The following IWS1 variants were observed in gnomAD, a reference collection of about 807,000 sequenced individuals.
IWS1 encodes interacts with SUPT6H, CTD assembly factor 1, also known as protein IWS1 homolog.
IWS1 carries 27 observed loss-of-function variants against 86.7 expected under a neutral mutation model. The observed-to-expected ratio is 0.31, with a 90% CI of 0.23 to 0.43. IWS1 has a LOEUF of 0.43. IWS1 is among the 20% of genes least tolerant of loss of function. The pLI is 1.00. For missense variants in IWS1, 827 were observed against 1,000.8 expected (o/e 0.83, Z 2.34); for synonymous variants, 313 against 335.1 (o/e 0.93, Z 0.72).
upstream of IWS1, chr2:127,526,874 G>C (rs184343764): frequency 7.8e-4 from 278 of 356,834 alleles, 1 homozygote; most frequent in Admixed American, 9.9e-3. Flanking sequence ...TTGCTCACTG[G>C]GACTTGTAGT....
intron 2 of IWS1, among the ~76,000 whole-genome samples, chr2:127,518,562 C>CTTTTTTTTT (rs747745807): frequency 8.6e-6 from 1 of 116,870 alleles, no homozygotes; most frequent in Non-Finnish European, 1.8e-5. Context: ...ACAGGCGATT[C>CTTTTTTTTT]TTTTTTTTTT....
At chr2:127,482,150 A>G (rs191557651) in intron 13 of IWS1, 19 of 152,320 alleles carry the variant, frequency 1.2e-4, no homozygotes, top group Admixed American at 1.2e-3. Flanking sequence ...TACATTTACT[A>G]CTGAATCACC....
At position 127,486,792 on chromosome 2, in the gene IWS1, A is replaced by AC; in HGVS notation, c.2217-129dup. The AC allele has an allele frequency of 4.4e-6, 3 of 688,466 alleles. No homozygotes were observed. In the East Asian group the frequency reaches 8.4e-5, roughly 19 times the overall value. The allele number at this position is 688,466 out of a possible 1,614,324, so 42.6% of individuals were successfully genotyped here. On this transcript the variant is annotated intron_variant, in intron 12 of 13. Coordinates refer to ENST00000295321, the MANE Select transcript of IWS1 (RefSeq NM_017969.3). ...AATGTTCGAAACTCCTCTACTCCCC[A>AC]CCAAAGGTCACCCAATCCACCCTCC...
chr2:127,494,901 T>TA lies in IWS1; in HGVS notation c.1769dup (p.Leu590PhefsTer10). 1 of 1,604,580 alleles carries TA rather than the reference T, an allele frequency of 6.2e-7. No homozygotes were observed. Among genetic ancestry groups the TA allele is most frequent in the Non-Finnish European group, 8.5e-7 (1 of 1,174,644 alleles). On this transcript the variant is annotated frameshift_variant, in exon 8 of 14. Coordinates refer to ENST00000295321, the MANE Select transcript of IWS1 (RefSeq NM_017969.3). LOFTEE classifies it high-confidence loss of function. ...TAAGGTGCATAACTACAGCAGGCAG[T>TA]AAAGTTAATTTTTTCAGTGCTGGCT...
chr2:127,494,924 G>A lies in IWS1; in HGVS notation c.1747C>T (p.Pro583Ser), dbSNP rs1216195198. The A allele has an allele frequency of 6.2e-7, 1 of 1,601,280 alleles. No individual in the cohort carries two copies. Among genetic ancestry groups the A allele is most frequent in the Non-Finnish European group, 8.5e-7 (1 of 1,173,120 alleles). Residue 583 changes from proline to serine, a missense_variant, in exon 8 of 14, where the codon CCA (proline) becomes TCA (serine). Physicochemically the swap from Pro to Ser is moderately conservative, Grantham distance 74. This residue lies in a region of IWS1 where 279 missense variants were observed against 440.6 expected (regional missense o/e 0.63). Coordinates refer to ENST00000295321, the MANE Select transcript of IWS1 (RefSeq NM_017969.3). ...EDRQLNNQKKPALKKLTLLPA... is the reference protein window; with the variant it reads ...EDRQLNNQKKSALKKLTLLPA... ...AGTAAAGTTAATTTTTTCAGTGCTG[G>A]CTTTTTTTGATTGTTCAACTGTCTG...
chr2:127,496,021 C>G lies in IWS1; in HGVS notation c.1693G>C (p.Val565Leu), dbSNP rs761567851. ...ACCTCAGCAGCTTCATTCATCTTGA[C>G]GATCATGGCACTCACGACGTCGTCT... ...DADDVVSAMIVKMNEAAEEDR... is the reference protein window; with the variant it reads ...DADDVVSAMILKMNEAAEEDR... The change falls in exon 7 of 14, where the codon GTC becomes CTC. Residue 565 changes from valine to leucine, a missense_variant. Coordinates refer to ENST00000295321, the MANE Select transcript of IWS1 (RefSeq NM_017969.3). 1 of 1,612,784 alleles carries G rather than the reference C, an allele frequency of 6.2e-7. No individual in the cohort carries two copies. Among genetic ancestry groups the G allele is most frequent in the Non-Finnish European group, 8.5e-7 (1 of 1,179,578 alleles).
rs114179014 is a variant in IWS1 at position 127,487,490 on chromosome 2, T to C, written c.2217-826A>G. Reference sequence around the variant, plus strand: ...AGTAAAGAGTGGATCTATGTGTGTCTGCTGGGGATGGGGAGAGAAGGGTAA... The same window carrying C: ...AGTAAAGAGTGGATCTATGTGTGTCCGCTGGGGATGGGGAGAGAAGGGTAA... On this transcript the variant is annotated intron_variant, in intron 12 of 13. Coordinates refer to ENST00000295321, the MANE Select transcript of IWS1 (RefSeq NM_017969.3). 7.3e-3 allele frequency among the ~76,000 whole-genome samples: 1,118 copies of C among 152,332 alleles called. 6 individuals are homozygous for C. The highest frequency in any genetic ancestry group is 0.014 in the Middle Eastern group (4 of 294).
chr2:127,487,200 T>G (rs932460794), intron 12 of IWS1, among the ~76,000 whole-genome samples: 5 of 152,212 alleles, frequency 3.3e-5, no homozygotes, highest in Non-Finnish European at 5.9e-5. Flanking sequence ...TAAAAAATGA[T>G]AGAGAGAGAG....
At chr2:127,524,456 G>A (rs1692274584) in intron 1 of IWS1, among the ~76,000 whole-genome samples, 1 of 150,892 alleles carries the variant, frequency 6.6e-6, no homozygotes, top group Non-Finnish European at 1.5e-5. Context: ...CTCCTAAAGT[G>A]CTGGGATTAC....
chr2:127,510,981 T>C (rs1373136956), intron 2 of IWS1, among the ~76,000 whole-genome samples: 1 of 152,210 alleles, frequency 6.6e-6, no homozygotes, highest in African/African-American at 2.4e-5. Flanking sequence ...TTTTGACATG[T>C]GGTCCACATG....
chr2:127,519,534 A>T (rs919322738), intron 2 of IWS1, among the ~76,000 whole-genome samples: 5 of 151,456 alleles, frequency 3.3e-5, no homozygotes, highest in African/African-American at 4.8e-5. Context: ...AAATGAATTT[A>T]AAAAAAATAC....
At chr2:127,508,875 G>A (rs1403499542) in intron 2 of IWS1, among the ~76,000 whole-genome samples, 1 of 152,192 alleles carries the variant, frequency 6.6e-6, no homozygotes, top group Admixed American at 6.5e-5. Flanking sequence ...TCCCAAAGAA[G>A]TGAGAGACAC....
chr2:127,504,588 C>A (rs1691012190), intron 3 of IWS1, 96 bp downstream of exon 3: 2 of 877,672 alleles, frequency 2.3e-6, no homozygotes, highest in Non-Finnish European at 3.6e-6. Context: ...AATAACAGAA[C>A]ACAGATCTGA....
intron 13 of IWS1, chr2:127,483,103 T>C (rs1689720061): frequency 6.6e-6 from 1 of 152,170 alleles, no homozygotes; most frequent in South Asian, 2.1e-4. Context: ...AAGAAATAAT[T>C]TAAAATGTTA....
At position 127,520,885 on chromosome 2, in the gene IWS1, A is replaced by T. The variant is rs368951540; in HGVS notation, c.150+2791T>A. On this transcript the variant is annotated intron_variant, in intron 2 of 13. Transcript: ENST00000295321. The stretch of plus-strand genomic sequence containing the variant: ...AGTGATGCTGCATCCATATTGTGAA[A>T]CCATTAAACATTACGCTTATTGAGA... Among the ~76,000 whole-genome samples, 29 of 152,380 alleles carry T rather than the reference A, an allele frequency of 1.9e-4. No individual in the cohort carries two copies. In the South Asian group the frequency reaches 5.8e-3, roughly 30 times the overall value.
intron 2 of IWS1, among the ~76,000 whole-genome samples, chr2:127,518,780 G>C (rs1691920958): frequency 6.6e-6 from 1 of 151,946 alleles, no homozygotes; most frequent in Non-Finnish European, 1.5e-5. Context: ...ACGTTGGCCA[G>C]GCTGGTCTCG....
At chr2:127,500,873 C>T (rs1168066177) in intron 5 of IWS1, among the ~76,000 whole-genome samples, 2 of 152,012 alleles carry the variant, frequency 1.3e-5, no homozygotes, top group African/African-American at 4.8e-5. Context: ...TTACACATTC[C>T]ATTTTAGTCT....
At chr2:127,503,899 A>T (rs1690957225) in intron 3 of IWS1, among the ~76,000 whole-genome samples, 1 of 152,158 alleles carries the variant, frequency 6.6e-6, no homozygotes, top group African/African-American at 2.4e-5. Context: ...AACTAGATTG[A>T]TGGGCAAAAC....
chr2:127,503,516 T>A lies in IWS1; in HGVS notation c.1280A>T (p.Asp427Val), dbSNP rs1690926751. The A allele has an allele frequency of 6.2e-7, 1 of 1,613,616 alleles. No homozygotes were observed. The highest frequency in any genetic ancestry group is 1.7e-5 in the Admixed American group (1 of 59,992). Residue 427 changes from aspartate to valine, a missense_variant, in exon 4 of 14, where the codon GAC becomes GTC. Asp to Val is a radical substitution (Grantham distance 152). Coordinates refer to ENST00000295321, the MANE Select transcript of IWS1 (RefSeq NM_017969.3). ...GGTCTTCTCTCTTTTGCCTGACTTG[T>A]CTGATACAGCATCACTGTCAGAGTC... ...ADDSDSDAVSDKSGKREKTIA... is the reference protein window; with the variant it reads ...ADDSDSDAVSVKSGKREKTIA...
Sources: allele counts gnomAD v4.1 joint callset (sites outside exome capture counted in the v4.1 genomes callset), GRCh38; gene constraint gnomAD v4.1.1; regional missense constraint gnomAD v4.1.1; transcripts MANE v1.5; gene names NCBI Gene and HGNC (gene_info 2026-07-23, HGNC 2026-07-21).